Variants in GDPD1 observed in about 807,000 individuals in gnomAD.
GDPD1 encodes the protein lysophospholipase D GDPD1.
Under a neutral mutation model 45.1 loss-of-function variants are expected in GDPD1, and 28 were observed. The ratio of observed to expected loss-of-function variants is 0.62; its 90% CI spans 0.46 to 0.85. The LOEUF is 0.85. GDPD1 is among the 40% of genes least tolerant of loss of function. GDPD1 has a pLI of 0.00. For synonymous variants in GDPD1, 139 were observed against 131.4 expected (o/e 1.06, Z -0.40); for missense variants, 256 against 364.8 (o/e 0.70, Z 2.43).
chr17:59,245,474 A>C lies in GDPD1; in HGVS notation c.246A>C (p.Gln82His). 6.2e-7 allele frequency: 1 copy of C among 1,610,096 alleles called. No individual in the cohort carries two copies. Among genetic ancestry groups the C allele is most frequent in the East Asian group, 2.2e-5 (1 of 44,786 alleles). Residue 82 changes from glutamine to histidine, a missense_variant, in exon 3 of 10, where the codon CAA becomes CAC. Gln to His is a conservative substitution (Grantham distance 24, BLOSUM62 0). Coordinates refer to ENST00000284116, the MANE Select transcript of GDPD1 (RefSeq NM_182569.4). The part of the protein sequence containing the change: ...ELDCHITKDE[Q>H]VVVSHDENLK... ...ACTGCCATATCACAAAAGATGAACA[A>C]GTTGTAGTGTCACATGATGAGAATC...
intron 1 of GDPD1, among the ~76,000 whole-genome samples, chr17:59,226,082 A>G (rs1221469272): frequency 6.6e-6 from 1 of 152,148 alleles, no homozygotes; most frequent in Non-Finnish European, 1.5e-5. Flanking sequence ...TTTTGATGCT[A>G]GCACTGTCCC....
intron 1 of GDPD1, among the ~76,000 whole-genome samples, chr17:59,221,664 TA>T (rs1195342288): frequency 1.3e-5 from 2 of 152,128 alleles, no homozygotes; most frequent in African/African-American, 4.8e-5. Context: ...TATTGTGTAA[TA>T]ATGTGTCTTC....
chr17:59,237,272 C>T (rs1169493220), intron 2 of GDPD1, among the ~76,000 whole-genome samples: 1 of 151,950 alleles, frequency 6.6e-6, no homozygotes, highest in African/African-American at 2.4e-5. Flanking sequence ...CGTGGTGGTG[C>T]AAGCTGTAGT....
intron 1 of GDPD1, among the ~76,000 whole-genome samples, chr17:59,224,789 G>A (rs1299549807): frequency 2.0e-5 from 3 of 152,020 alleles, no homozygotes; most frequent in African/African-American, 4.8e-5. Flanking sequence ...GTGAATAGCC[G>A]CTGAACTTCA....
chr17:59,222,204 G>GT lies in GDPD1; in HGVS notation c.142+1460dup, dbSNP rs965195477. 2.3e-3 allele frequency among the ~76,000 whole-genome samples: 355 copies of GT among 151,846 alleles called. 3 individuals carry two copies. The highest frequency in any genetic ancestry group is 1.6e-3 in the East Asian group (8 of 5,158). On this transcript the variant is annotated intron_variant, in intron 1 of 9. Coordinates refer to ENST00000284116, the MANE Select transcript of GDPD1 (RefSeq NM_182569.4). ...TTTCTTTTTGTGTTTTTGTTTGTTT[G>GT]TTTTTTTGTTTGTTTGTTTTGAGAT...
At chr17:59,245,980 G>A (rs2047207851) in intron 3 of GDPD1, among the ~76,000 whole-genome samples, 1 of 151,864 alleles carries the variant, frequency 6.6e-6, no homozygotes. Context: ...AAATTAGCCA[G>A]ACATGGTGGT....
rs371543464 is a variant in GDPD1 at position 59,249,199 on chromosome 17, C to G, written c.367+414C>G. ...TTTAGGTCAGGAGTTCGAGACCAGC[C>G]TAGCCAACATGGCAAAACCCCGTCT... On this transcript the variant is annotated intron_variant, in intron 4 of 9. Transcript: ENST00000284116. 9.9e-4 allele frequency: 151 copies of G among 152,816 alleles called. 1 individual carries two copies. In the South Asian group the frequency reaches 0.031, roughly 31 times the overall value. The allele number at this position is 152,816 out of a possible 1,614,324, so 9.5% of individuals were successfully genotyped here.
At chr17:59,260,916 G>A (rs1420006983) in intron 6 of GDPD1, 1 of 152,146 alleles carries the variant, frequency 6.6e-6, no homozygotes. Context: ...GCAAAAACAT[G>A]CACAGTCAGC....
intron 1 of GDPD1, among the ~76,000 whole-genome samples, 197 bp downstream of exon 1, chr17:59,220,948 T>C (rs1011654960): frequency 2.0e-5 from 3 of 151,954 alleles, no homozygotes; most frequent in Non-Finnish European, 4.4e-5. Flanking sequence ...GGATTCCCGG[T>C]CAGAGCCACG....
intron 4 of GDPD1, among the ~76,000 whole-genome samples, chr17:59,252,178 G>A (rs1299799491): frequency 6.6e-6 from 1 of 151,854 alleles, no homozygotes; most frequent in Non-Finnish European, 1.5e-5. Context: ...ATCACTTGAG[G>A]TTAGGAGTTT....
intron 4 of GDPD1, among the ~76,000 whole-genome samples, chr17:59,249,731 C>T (rs2047239141): frequency 6.6e-6 from 1 of 152,106 alleles, no homozygotes; most frequent in African/African-American, 2.4e-5. Flanking sequence ...AAGTCAGCCT[C>T]ACATTTTTGA....
At chr17:59,225,918 A>ATTG (rs2047044031) in intron 1 of GDPD1, among the ~76,000 whole-genome samples, 1 of 151,086 alleles carries the variant, frequency 6.6e-6, no homozygotes, top group East Asian at 2.0e-4. Flanking sequence ...GATGGGGTTC[A>ATTG]CCATGTTGGC....
intron 4 of GDPD1, among the ~76,000 whole-genome samples, chr17:59,254,227 G>A (rs1164404370): frequency 1.3e-5 from 2 of 152,104 alleles, no homozygotes; most frequent in Non-Finnish European, 2.9e-5. Context: ...CAGGCGTGGT[G>A]GCAGATGCCT....
At chr17:59,241,719 A>C (rs191162000) in intron 2 of GDPD1, among the ~76,000 whole-genome samples, 1 of 151,894 alleles carries the variant, frequency 6.6e-6, no homozygotes, top group Non-Finnish European at 1.5e-5. Context: ...ACTTGAGTTC[A>C]GGAGTTCGAG....
chr17:59,255,829 G>A (rs140549435), intron 4 of GDPD1, among the ~76,000 whole-genome samples: 16,591 of 50,718 alleles, frequency 0.33, 3,705 homozygotes, highest in African/African-American at 0.64. Context: ...ATATATATAC[G>A]CGTATATATA....
chr17:59,265,901 CAAA>C (rs60404339), intron 6 of GDPD1, among the ~76,000 whole-genome samples: 46 of 80,380 alleles, frequency 5.7e-4, no homozygotes, highest in African/African-American at 8.8e-4. Context: ...GACCTTATCT[CAAA>C]AAAAAAAAAA....
chr17:59,232,091 A>G (rs986945472), intron 1 of GDPD1, among the ~76,000 whole-genome samples: 11 of 152,168 alleles, frequency 7.2e-5, no homozygotes, highest in African/African-American at 2.7e-4. Context: ...TAAGGATGCC[A>G]TATGTCGACA....
intron 2 of GDPD1, among the ~76,000 whole-genome samples, chr17:59,237,882 G>A (rs1276660233): frequency 2.0e-5 from 3 of 148,578 alleles, no homozygotes; most frequent in Admixed American, 6.9e-5. Flanking sequence ...CCAGCTTGGC[G>A]AACATGGCAA....
At chr17:59,221,735 T>C (rs1413848215) in intron 1 of GDPD1, among the ~76,000 whole-genome samples, 2 of 152,196 alleles carry the variant, frequency 1.3e-5, no homozygotes, top group Non-Finnish European at 2.9e-5. Context: ...CAATCAATTT[T>C]AACTGTTCTT....
Sources: allele counts gnomAD v4.1 joint callset (sites outside exome capture counted in the v4.1 genomes callset), GRCh38; gene constraint gnomAD v4.1.1; transcripts MANE v1.5; gene names NCBI Gene and HGNC (gene_info 2026-07-23, HGNC 2026-07-21).